The following RBMS3 variants were observed in gnomAD, a reference collection of about 807,000 sequenced individuals.
RBMS3 encodes the protein RNA binding motif single stranded interacting protein 3, also known as RNA-binding motif, single-stranded-interacting protein 3.
In RBMS3, 27 loss-of-function variants were observed where a neutral mutation model predicts 66.8. That is an observed-to-expected ratio of 0.40 (90% CI 0.30 to 0.56). The LOEUF (loss-of-function observed/expected upper bound fraction) is 0.56, where lower values mean the gene tolerates loss of function less well. RBMS3 is among the 20% of genes least tolerant of loss of function. The pLI is 0.40. For synonymous variants in RBMS3, 188 were observed against 183.0 expected, an observed-to-expected ratio of 1.03 and a Z score of -0.22; for missense variants, 513 against 549.5, an observed-to-expected ratio of 0.93 and a Z score of 0.66.
At chr3:29,816,924 T>C (rs1191441606) in intron 6 of RBMS3, among the ~76,000 whole-genome samples, 2 of 151,968 alleles carry the variant, frequency 1.3e-5, no homozygotes. Flanking sequence ...ACCCCGTCTC[T>C]ACTAAAGATA....
intron 14 of RBMS3, among the ~76,000 whole-genome samples, chr3:29,999,070 A>G (rs1435283589): frequency 6.6e-6 from 1 of 152,140 alleles, no homozygotes; most frequent in Admixed American, 6.5e-5. Context: ...AAACTAGAAA[A>G]AAACAAAAAA....
chr3:29,391,558 C>T (rs1052568053), intron 1 of RBMS3, among the ~76,000 whole-genome samples: 8 of 152,128 alleles, frequency 5.3e-5, no homozygotes, highest in Non-Finnish European at 1.0e-4. Context: ...ATTTAAAAAG[C>T]TATTATAGTT....
intron 4 of RBMS3, among the ~76,000 whole-genome samples, chr3:29,646,874 G>A (rs922527264): frequency 6.6e-6 from 1 of 152,122 alleles, no homozygotes; most frequent in Non-Finnish European, 1.5e-5. Context: ...GTCTTTGGGG[G>A]CAAGTCAGCT....
intron 6 of RBMS3, among the ~76,000 whole-genome samples, chr3:29,790,152 C>T (rs1172929338): frequency 2.6e-5 from 4 of 152,162 alleles, no homozygotes; most frequent in Admixed American, 2.6e-4. Flanking sequence ...CAGCTCTCTT[C>T]TGCACTGACA....
At chr3:29,917,162 C>T (rs1219510158) in intron 10 of RBMS3, among the ~76,000 whole-genome samples, 1 of 152,064 alleles carries the variant, frequency 6.6e-6, no homozygotes, top group African/African-American at 2.4e-5. Flanking sequence ...ATCCTCTCTT[C>T]ATGGAATGTA....
At chr3:29,655,414 C>T (rs2050290689) in intron 4 of RBMS3, among the ~76,000 whole-genome samples, 1 of 152,158 alleles carries the variant, frequency 6.6e-6, no homozygotes, top group Non-Finnish European at 1.5e-5. Flanking sequence ...TAGTCATGCA[C>T]CACATAAAGA....
At chr3:29,988,275 C>T (rs752068024) in intron 13 of RBMS3, 52 bp downstream of exon 13, 5 of 1,455,626 alleles carry the variant, frequency 3.4e-6, no homozygotes, top group East Asian at 4.5e-5. Context: ...ATCTCAGTCA[C>T]ATATACTGTA....
intron 2 of RBMS3, among the ~76,000 whole-genome samples, chr3:29,444,186 C>A (rs1378013651): frequency 6.8e-6 from 1 of 148,078 alleles, no homozygotes; most frequent in Middle Eastern, 3.2e-3. Context: ...AGTGTGGTAT[C>A]TAATATGTAC....
intron 3 of RBMS3, among the ~76,000 whole-genome samples, chr3:29,508,404 A>G (rs982487575): frequency 2.6e-5 from 4 of 152,056 alleles, no homozygotes; most frequent in African/African-American, 9.7e-5. Context: ...CCCTGTGTCC[A>G]TGCGTTCTCA....
At chr3:29,502,244 A>T (rs1351927694) in intron 3 of RBMS3, among the ~76,000 whole-genome samples, 1 of 152,048 alleles carries the variant, frequency 6.6e-6, no homozygotes, top group Non-Finnish European at 1.5e-5. Context: ...GTAACTAACA[A>T]AATTATTATT....
intron 4 of RBMS3, among the ~76,000 whole-genome samples, chr3:29,739,280 C>A (rs996505347): frequency 6.6e-6 from 1 of 151,960 alleles, no homozygotes; most frequent in African/African-American, 2.4e-5. Flanking sequence ...CACGGTGAAA[C>A]CCCGTCTCTA....
At position 29,450,092 on chromosome 3, in the gene RBMS3, C is replaced by T. The variant is rs559951337; in HGVS notation, c.248+15177C>T. ...GTGCCAAGAAGGAAACAAACTACAG[C>T]GGGCCTAATGTCTGTCTAACATGGC... On this transcript the variant is annotated intron_variant, in intron 2 of 14. Transcript: ENST00000383767. 7.9e-5 allele frequency among the ~76,000 whole-genome samples: 12 copies of T among 152,264 alleles called. No homozygotes were observed. In the South Asian group the frequency reaches 1.7e-3, roughly 21 times the overall value.
At chr3:29,433,303 A>G (rs546975921) in intron 1 of RBMS3, among the ~76,000 whole-genome samples, 34 of 152,224 alleles carry the variant, frequency 2.2e-4, no homozygotes, top group South Asian at 2.1e-4. Flanking sequence ...TAAAATAGCT[A>G]AAGACTCTTC....
chr3:29,550,151 G>A (rs1484607901), intron 3 of RBMS3, among the ~76,000 whole-genome samples: 1 of 152,138 alleles, frequency 6.6e-6, no homozygotes, highest in Admixed American at 6.5e-5. Flanking sequence ...TTCTGTTTTA[G>A]TTAGGACAGC....
At chr3:29,793,080 A>T (rs1011826591) in intron 6 of RBMS3, among the ~76,000 whole-genome samples, 1 of 152,110 alleles carries the variant, frequency 6.6e-6, no homozygotes, top group Non-Finnish European at 1.5e-5. Flanking sequence ...TCTACTAAAA[A>T]TACAAAAAAT....
chr3:29,740,021 T>A (rs1470607683), intron 5 of RBMS3, 144 bp downstream of exon 5: 1 of 612,988 alleles, frequency 1.6e-6, no homozygotes, highest in Non-Finnish European at 2.6e-6. Flanking sequence ...CTGTCATCCC[T>A]CTGTGTCTTT....
At chr3:29,982,001 A>G (rs1698028339) in intron 12 of RBMS3, among the ~76,000 whole-genome samples, 1 of 152,172 alleles carries the variant, frequency 6.6e-6, no homozygotes, top group South Asian at 2.1e-4. Flanking sequence ...AAGGAATGGT[A>G]CCAGCTCCTC....
Position 29,569,707 on chromosome 3 carries a change from A to T in RBMS3, c.308-17407A>T, listed in dbSNP as rs545284938. On this transcript the variant is annotated intron_variant, in intron 3 of 14. Coordinates refer to ENST00000383767, the MANE Select transcript of RBMS3 (RefSeq NM_001003793.3). ...TTGCAATGCATGAAAGTCTTTTTTTAAAAAAAAGATCTTTGAATGAAACAA... is the reference window on the plus strand; with the variant it reads ...TTGCAATGCATGAAAGTCTTTTTTTTAAAAAAAGATCTTTGAATGAAACAA... Among the ~76,000 whole-genome samples, 136 of 151,986 alleles carry T rather than the reference A, an allele frequency of 8.9e-4. 1 individual carries two copies. The highest frequency in any genetic ancestry group is 3.0e-3 in the African/African-American group (125 of 41,486).
chr3:29,560,271 T>C (rs1174789340), intron 3 of RBMS3, among the ~76,000 whole-genome samples: 2 of 152,198 alleles, frequency 1.3e-5, no homozygotes, highest in African/African-American at 2.4e-5. Context: ...TTAATTATTT[T>C]CTCTGCCAAA....
Sources: gnomAD v4.1 joint callset for allele counts (sites outside exome capture counted in the v4.1 genomes callset) on GRCh38, gnomAD v4.1.1 for gene constraint, MANE v1.5 for transcripts, NCBI Gene and HGNC (gene_info 2026-07-23, HGNC 2026-07-21) for gene names.